PLXNA4: variants seen among roughly 807,000 people sequenced by gnomAD.
PLXNA4 encodes the protein plexin-A4.
PLXNA4 carries 44 observed loss-of-function variants against 191.8 expected under a neutral mutation model. The ratio of observed to expected loss-of-function variants is 0.23; its 90% CI spans 0.18 to 0.29. The LOEUF (loss-of-function observed/expected upper bound fraction) is 0.29, where lower values mean the gene tolerates loss of function less well. Ranked by LOEUF, PLXNA4 falls within the 10% of genes least tolerant of loss-of-function variation. The pLI, the probability that PLXNA4 is intolerant of heterozygous loss-of-function variation, is 1.00. For synonymous variants in PLXNA4, 1,082 were observed against 1,009.5 expected (o/e 1.07, Z -1.36); for missense variants, 1,800 against 2,488.8 (o/e 0.72, Z 5.89).
At chr7:132,536,302 T>C (rs1799829590) in intron 1 of PLXNA4, among the ~76,000 whole-genome samples, 1 of 152,210 alleles carries the variant, frequency 6.6e-6, no homozygotes, top group Admixed American at 6.5e-5. Context: ...TCGTTCCCTA[T>C]AAGTGACTAA....
rs1563189659 is a variant in PLXNA4, at chr7:132,594,930, GATAGATAGA to G, written c.-87+50989_-87+50997del. Among the ~76,000 whole-genome samples the G allele has an allele frequency of 1.1e-4, 15 of 142,174 alleles. No individual in the cohort carries two copies. The East Asian group carries it at 1.2e-3, about 11-fold the overall frequency. 93.3% of individuals were successfully genotyped at this position (142,174 alleles called of 152,430 possible). On this transcript the variant is annotated intron_variant, in intron 2 of 4. Transcript: ENST00000378539. ...AGATAGGTAGATAGATAGATAGATA[GATAGATAGA>G]TAGATAGATAGATAGATAGATAGAT...
At chr7:132,607,787 C>CCAT (rs1482474632) in intron 2 of PLXNA4, among the ~76,000 whole-genome samples, 1 of 152,028 alleles carries the variant, frequency 6.6e-6, no homozygotes, top group South Asian at 2.1e-4. Context: ...ACCATCACCA[C>CCAT]CATCATCATC....
rs146160185 is a variant in PLXNA4 at position 132,484,890 on chromosome 7, G to T, written c.1371+4402C>A. ...ACTCTCTGATCTGATATTGCTTTGT[G>T]ACTTGAGCACTGAAGATACACACAC... is the stretch of plus-strand genomic sequence containing the variant. On this transcript the variant is annotated intron_variant, in intron 3 of 31. Coordinates refer to ENST00000321063, the MANE Select transcript of PLXNA4 (RefSeq NM_020911.2). 6.4e-4 allele frequency: 1,028 copies of T among 1,614,164 alleles called. 18 individuals carry two copies. The East Asian group carries it at 0.018, about 28-fold the overall frequency.
intron 1 of PLXNA4, among the ~76,000 whole-genome samples, chr7:132,574,896 A>C (rs1802154233): frequency 6.6e-6 from 1 of 152,180 alleles, no homozygotes; most frequent in Non-Finnish European, 1.5e-5. Context: ...TGTTCAAAAG[A>C]ATGTTTGCTC....
At chr7:132,627,411 G>A (rs1438363627) in intron 2 of PLXNA4, among the ~76,000 whole-genome samples, 1 of 151,986 alleles carries the variant, frequency 6.6e-6, no homozygotes, top group African/African-American at 2.4e-5. Context: ...ATTATTCACA[G>A]CTGATCCATG....
chr7:132,180,420 G>A (rs1209226489), intron 19 of PLXNA4, among the ~76,000 whole-genome samples, 166 bp downstream of exon 19: 1 of 152,204 alleles, frequency 6.6e-6, no homozygotes, highest in Non-Finnish European at 1.5e-5. Context: ...CAATACAGAA[G>A]AGAGAAGCTC....
intron 1 of PLXNA4, among the ~76,000 whole-genome samples, chr7:132,547,528 G>A (rs1277320333): frequency 2.0e-5 from 3 of 152,268 alleles, no homozygotes; most frequent in East Asian, 1.9e-4. Context: ...ATGGGTAAGT[G>A]TATAGTGAGT....
chr7:132,194,928 T>A (rs978419532), intron 13 of PLXNA4, among the ~76,000 whole-genome samples: 1 of 151,858 alleles, frequency 6.6e-6, no homozygotes, highest in African/African-American at 2.4e-5. Flanking sequence ...ACATAATATA[T>A]AAATATATAT....
At chr7:132,365,364 T>TGCATGCGC (rs1554424584) in intron 3 of PLXNA4, among the ~76,000 whole-genome samples, 1 of 147,214 alleles carries the variant, frequency 6.8e-6, no homozygotes, top group African/African-American at 2.5e-5. Flanking sequence ...TGTGTGTGCG[T>TGCATGCGC]GCGCGCGCAT....
intron 9 of PLXNA4, 60 bp from the exon 10 acceptor site, chr7:132,211,203 C>G: frequency 8.7e-6 from 13 of 1,502,788 alleles, no homozygotes; most frequent in Non-Finnish European, 1.1e-5. Flanking sequence ...GCAAGGACCT[C>G]TGCAGACATA....
intron 31 of PLXNA4, among the ~76,000 whole-genome samples, chr7:132,131,837 C>T (rs1794936580): frequency 6.6e-6 from 1 of 152,242 alleles, no homozygotes; most frequent in Non-Finnish European, 1.5e-5. Flanking sequence ...AGGGTCCCTC[C>T]CCTAAGGGAC....
At chr7:132,358,838 A>C (rs1803815283) in intron 3 of PLXNA4, among the ~76,000 whole-genome samples, 1 of 152,222 alleles carries the variant, frequency 6.6e-6, no homozygotes. Flanking sequence ...AGGACAGAGC[A>C]GGGTGATTGA....
At chr7:132,561,399 T>TTCCTCCTCCTCCTCC (rs575217577) in intron 1 of PLXNA4, among the ~76,000 whole-genome samples, 1 of 73,922 alleles carries the variant, frequency 1.4e-5, no homozygotes, top group South Asian at 5.6e-4. Flanking sequence ...CCTCCTCCTC[T>TTCCTCCTCCTCCTCC]TCCTCCTCCT....
At chr7:132,159,428 C>T (rs56254512) in intron 25 of PLXNA4, 45 bp downstream of exon 25, 36,986 of 1,605,774 alleles carry the variant, frequency 0.023, 481 homozygotes, top group Non-Finnish European at 0.027. Flanking sequence ...GAGGTGTGTT[C>T]AGGAGCAGCC....
intron 1 of PLXNA4, among the ~76,000 whole-genome samples, chr7:132,544,638 G>A (rs570176846): frequency 1.5e-4 from 23 of 152,254 alleles, no homozygotes; most frequent in Non-Finnish European, 3.2e-4. Context: ...ATGAAAAGGT[G>A]CCCATTAGGG....
intron 2 of PLXNA4, among the ~76,000 whole-genome samples, chr7:132,593,023 G>A (rs2116829091): frequency 6.6e-6 from 1 of 152,314 alleles, no homozygotes; most frequent in South Asian, 2.1e-4. Flanking sequence ...CCCAACCTAT[G>A]TTTACAGTGA....
chr7:132,468,821 G>A (rs976036063), intron 3 of PLXNA4, among the ~76,000 whole-genome samples: 12 of 152,004 alleles, frequency 7.9e-5, no homozygotes, highest in Admixed American at 2.0e-4. Context: ...AAGGAATTAT[G>A]TAACACATCA....
chr7:132,396,796 G>C (rs1793782694), intron 3 of PLXNA4, among the ~76,000 whole-genome samples: 1 of 152,246 alleles, frequency 6.6e-6, no homozygotes, highest in Non-Finnish European at 1.5e-5. Context: ...CTGGCCAGCA[G>C]GGCCAGACTT....
chr7:132,151,349 AAGAAG>A (rs1795608499), intron 25 of PLXNA4, among the ~76,000 whole-genome samples: 1 of 67,128 alleles, frequency 1.5e-5, no homozygotes, highest in Non-Finnish European at 3.6e-5. Flanking sequence ...GAGGAGGAGG[AAGAAG>A]AAGGAGGAGG....
Sources: allele counts gnomAD v4.1 joint callset (sites outside exome capture counted in the v4.1 genomes callset), GRCh38; gene constraint gnomAD v4.1.1; transcripts MANE v1.5; gene names NCBI Gene and HGNC (gene_info 2026-07-23, HGNC 2026-07-21).